Variants in KCNN2 observed in about 807,000 individuals in gnomAD.
KCNN2 encodes the protein small conductance calcium-activated potassium channel protein 2.
KCNN2 carries 24 observed loss-of-function variants against 55.5 expected under a neutral mutation model. The observed-to-expected ratio is 0.43, with a 90% CI of 0.31 to 0.61. KCNN2 has a LOEUF of 0.61. Among genes scored for constraint, KCNN2 ranks in the 20% least tolerant of loss-of-function variants. The probability of loss-of-function intolerance (pLI) is 0.08; values close to 1 mark genes in which losing one functional copy is unlikely to be tolerated. For missense variants in KCNN2, 754 were observed against 853.6 expected (o/e 0.88, Z 1.45); for synonymous variants, 431 against 336.1 (o/e 1.28, Z -3.09).
chr5:114,245,915 A>G (rs193178079), intron 2 of KCNN2, among the ~76,000 whole-genome samples: 2 of 152,268 alleles, frequency 1.3e-5, no homozygotes, highest in East Asian at 3.9e-4. Context: ...TTCTCAGCAT[A>G]TCTACTAAAA....
chr5:114,108,408 T>G (rs1476715947), intron 1 of KCNN2, among the ~76,000 whole-genome samples: 1 of 152,094 alleles, frequency 6.6e-6, no homozygotes, highest in Non-Finnish European at 1.5e-5. Flanking sequence ...AATTTATGCA[T>G]AGTGAATTAT....
At chr5:114,060,656 A>G (rs935608259) in intron 1 of KCNN2, among the ~76,000 whole-genome samples, 8 of 152,190 alleles carry the variant, frequency 5.3e-5, no homozygotes, top group Admixed American at 3.9e-4. Context: ...GCTCTACCAT[A>G]TGTGGCTTGG....
chr5:114,063,809 G>A (rs1750382227), intron 1 of KCNN2, among the ~76,000 whole-genome samples: 2 of 152,150 alleles, frequency 1.3e-5, no homozygotes, highest in African/African-American at 4.8e-5. Context: ...ACCCTAAAAG[G>A]CATACTAAGC....
At position 114,363,960 on chromosome 5, in the gene KCNN2, C is replaced by G; in HGVS notation, c.1177C>G (p.Leu393Val). 1 of 1,614,064 alleles carries G rather than the reference C, an allele frequency of 6.2e-7. No homozygotes were observed. The highest frequency in any genetic ancestry group is 8.5e-7 in the Non-Finnish European group (1 of 1,179,934). ...CCTTATCAGTCTCTCCACGATCATC[C>G]TGCTCGGTCTGATCATCGTGTACCA... is the stretch of plus-strand genomic sequence containing the variant. ...KCLISLSTII[L>V]LGLIIVYHAR... The change falls in exon 2 of 8, where the codon CTG (leucine) becomes GTG (valine). Residue 393 changes from leucine to valine, a missense_variant. Coordinates refer to ENST00000673685, the MANE Select transcript of KCNN2 (RefSeq NM_021614.4).
chr5:114,373,900 G>A (rs1245412866), intron 2 of KCNN2, among the ~76,000 whole-genome samples: 7 of 151,270 alleles, frequency 4.6e-5, no homozygotes, highest in South Asian at 2.1e-4. Flanking sequence ...TAGGGTGTGT[G>A]TGCAAGCACA....
chr5:114,459,326 G>T (rs1483799916), intron 3 of KCNN2, among the ~76,000 whole-genome samples: 1 of 152,170 alleles, frequency 6.6e-6, no homozygotes. Context: ...ATCAAAACTT[G>T]AAATTTGTAC....
At chr5:114,224,732 C>A (rs1373679409) in intron 2 of KCNN2, among the ~76,000 whole-genome samples, 1 of 152,158 alleles carries the variant, frequency 6.6e-6, no homozygotes, top group Non-Finnish European at 1.5e-5. Flanking sequence ...CAGTCAGCCT[C>A]CCCTTTCTTC....
intron 2 of KCNN2, among the ~76,000 whole-genome samples, 181 bp downstream of exon 2, chr5:114,364,182 G>A (rs186269819): frequency 3.9e-5 from 6 of 152,306 alleles, no homozygotes; most frequent in Admixed American, 3.9e-4. Flanking sequence ...ACAACACAAG[G>A]CAGGGTAGCA....
intron 1 of KCNN2, among the ~76,000 whole-genome samples, chr5:114,205,573 T>G (rs1476305260): frequency 6.6e-6 from 1 of 152,118 alleles, no homozygotes. Context: ...AACAATAGAA[T>G]TAGGACAAAT....
intron 1 of KCNN2, among the ~76,000 whole-genome samples, chr5:114,141,922 A>G (rs1450316156): frequency 2.6e-5 from 4 of 152,252 alleles, no homozygotes; most frequent in African/African-American, 9.6e-5. Flanking sequence ...GGCTGCATAG[A>G]TGTCTTCTTT....
chr5:114,413,651 T>C (rs1345596030), intron 3 of KCNN2, among the ~76,000 whole-genome samples: 1 of 152,172 alleles, frequency 6.6e-6, no homozygotes, highest in African/African-American at 2.4e-5. Context: ...TAGTATTTGT[T>C]GGCAAGGGGC....
At chr5:114,186,219 T>A (rs913297845) in intron 1 of KCNN2, among the ~76,000 whole-genome samples, 3 of 152,188 alleles carry the variant, frequency 2.0e-5, no homozygotes, top group Non-Finnish European at 4.4e-5. Flanking sequence ...ATTTTTTGGC[T>A]CAGAATTTGG....
chr5:114,376,367 AG>A (rs1246551749), intron 2 of KCNN2, among the ~76,000 whole-genome samples: 3 of 152,204 alleles, frequency 2.0e-5, no homozygotes, highest in Admixed American at 1.3e-4. Context: ...GCATTTACCC[AG>A]CAGCAAGAGG....
At chr5:114,462,078 G>A (rs1473880012) in intron 3 of KCNN2, among the ~76,000 whole-genome samples, 2 of 152,132 alleles carry the variant, frequency 1.3e-5, no homozygotes, top group Non-Finnish European at 2.9e-5. Context: ...CCAGAGCAGG[G>A]CCTCTCTGCC....
At chr5:114,124,653 G>A (rs1751895268) in intron 1 of KCNN2, among the ~76,000 whole-genome samples, 1 of 152,102 alleles carries the variant, frequency 6.6e-6, no homozygotes, top group Admixed American at 6.6e-5. Flanking sequence ...CATTTTCCCT[G>A]GTCTTTGGAA....
At chr5:114,469,780 T>G (rs1761632859) in intron 4 of KCNN2, among the ~76,000 whole-genome samples, 1 of 152,162 alleles carries the variant, frequency 6.6e-6, no homozygotes, top group South Asian at 2.1e-4. Flanking sequence ...TAGAAAGCTT[T>G]CGGAAGTGAG....
At chr5:114,424,250 C>T (rs1302955329) in intron 3 of KCNN2, among the ~76,000 whole-genome samples, 3 of 152,168 alleles carry the variant, frequency 2.0e-5, no homozygotes, top group Non-Finnish European at 4.4e-5. Flanking sequence ...ACTGTTCTTT[C>T]ACTAATGCTC....
chr5:114,423,336 C>T (rs1759524726), intron 3 of KCNN2, among the ~76,000 whole-genome samples: 1 of 152,086 alleles, frequency 6.6e-6, no homozygotes, highest in African/African-American at 2.4e-5. Flanking sequence ...TACTCACCCC[C>T]ACAGCCCCCA....
At chr5:114,435,250 C>A (rs1759964307) in intron 3 of KCNN2, among the ~76,000 whole-genome samples, 1 of 151,978 alleles carries the variant, frequency 6.6e-6, no homozygotes, top group Non-Finnish European at 1.5e-5. Context: ...AGGCTGGCTT[C>A]AGAGGTGGTT....
Sources: allele counts gnomAD v4.1 joint callset (sites outside exome capture counted in the v4.1 genomes callset), GRCh38; gene constraint gnomAD v4.1.1; transcripts MANE v1.5; gene names NCBI Gene and HGNC (gene_info 2026-07-23, HGNC 2026-07-21).